Variants in FUCA1 observed in about 807,000 individuals in gnomAD.
FUCA1 encodes the protein alpha-L-fucosidase 1, also known as tissue alpha-L-fucosidase.
Under a neutral mutation model 56.8 loss-of-function variants are expected in FUCA1, and 52 were observed. The ratio of observed to expected loss-of-function variants is 0.92; its 90% CI spans 0.73 to 1.15. FUCA1 has a LOEUF of 1.15. Among genes scored for constraint, FUCA1 ranks in the 50% most tolerant of loss-of-function variants. The pLI, the probability that FUCA1 is intolerant of heterozygous loss-of-function variation, is 0.00. For missense variants in FUCA1, 568 were observed against 592.6 expected (o/e 0.96, Z 0.43); for synonymous variants, 230 against 226.6 (o/e 1.02, Z -0.14).
At chr1:23,854,840 C>T (rs1639358962) in intron 4 of FUCA1, among the ~76,000 whole-genome samples, 2 of 152,070 alleles carry the variant, frequency 1.3e-5, no homozygotes, top group Admixed American at 6.5e-5. Flanking sequence ...AATATTCAGC[C>T]CTAAATGTCA....
chr1:23,855,981 T>A (rs138765570), intron 4 of FUCA1, among the ~76,000 whole-genome samples: 2 of 152,144 alleles, frequency 1.3e-5, no homozygotes, highest in East Asian at 3.9e-4. Flanking sequence ...GAGACAGATA[T>A]GTGGACAATT....
In FUCA1 at chr1:23,865,542, A is replaced by C; in HGVS notation, c.473T>G (p.Val158Gly). The change falls in exon 2 of 8, where the codon GTG becomes GGG. Residue 158 changes from valine to glycine, a missense_variant. Coordinates refer to ENST00000374479, the MANE Select transcript of FUCA1 (RefSeq NM_000147.5). The part of the protein sequence containing the change: ...PVSWNWNSKD[V>G]GPHRDLVGEL... ...ACCAACCAAATCCCGATGAGGCCCCACGTCTTTGGAGTTCCAGTTCCAAGA... is the reference window on the plus strand; with the variant it reads ...ACCAACCAAATCCCGATGAGGCCCCCCGTCTTTGGAGTTCCAGTTCCAAGA... 1.9e-6 allele frequency: 3 copies of C among 1,614,124 alleles called. No individual in the cohort carries two copies. Among genetic ancestry groups the C allele is most frequent in the Non-Finnish European group, 2.5e-6 (3 of 1,180,034 alleles).
intron 1 of FUCA1, among the ~76,000 whole-genome samples, chr1:23,866,109 C>T (rs1639618886): frequency 3.3e-5 from 5 of 152,168 alleles, no homozygotes; most frequent in Admixed American, 3.3e-4. Context: ...GTCAGGGGTT[C>T]AAGACCAACC....
Position 23,846,050 on chromosome 1 carries a change from T to G in FUCA1, c.1260+24A>C, listed in dbSNP as rs1240785540. ...CAATTCCTTTACAGAAAGTTACATC[T>G]TAAGACTGACTAAGCCTCTTTACCT... is the stretch of plus-strand genomic sequence containing the variant. On this transcript the variant is annotated intron_variant, in intron 7 of 7. Coordinates refer to ENST00000374479, the MANE Select transcript of FUCA1 (RefSeq NM_000147.5). The G allele has an allele frequency of 1.9e-6, 3 of 1,583,352 alleles. No individual in the cohort carries two copies. The African/African-American group carries it at 4.0e-5, about 21-fold the overall frequency.
intron 5 of FUCA1, among the ~76,000 whole-genome samples, chr1:23,850,260 A>T (rs1001094466): frequency 6.7e-6 from 1 of 150,326 alleles, no homozygotes; most frequent in African/African-American, 2.4e-5. Flanking sequence ...AGGTTGCAGC[A>T]AGCTGAGATC....
intron 5 of FUCA1, among the ~76,000 whole-genome samples, chr1:23,850,700 A>T (rs1025163644): frequency 6.6e-6 from 1 of 152,070 alleles, no homozygotes; most frequent in Non-Finnish European, 1.5e-5. Context: ...ATTGGCCAGG[A>T]TGGTCTCGAA....
chr1:23,848,099 T>G (rs988086779), intron 6 of FUCA1, among the ~76,000 whole-genome samples: 2 of 152,122 alleles, frequency 1.3e-5, no homozygotes, highest in African/African-American at 4.8e-5. Flanking sequence ...AGACAACCAC[T>G]AAACAGAAAC....
intron 1 of FUCA1, among the ~76,000 whole-genome samples, chr1:23,866,385 C>T (rs1639624884): frequency 6.6e-6 from 1 of 152,192 alleles, no homozygotes; most frequent in Non-Finnish European, 1.5e-5. Context: ...ACATAAATTG[C>T]CTCTCATTTA....
At chr1:23,862,011 C>T (rs1018682470) in intron 3 of FUCA1, among the ~76,000 whole-genome samples, 3 of 152,214 alleles carry the variant, frequency 2.0e-5, no homozygotes, top group South Asian at 4.1e-4. Context: ...ACCAAGATCT[C>T]GAAAGATAAG....
rs1200156344 is a variant in FUCA1 at position 23,853,033 on chromosome 1, G to GCGCCTCTTCCCGGCGGC, written c.969+1326_969+1327insGCCGCCGGGAAGAGGCG. On this transcript the variant is annotated intron_variant, in intron 5 of 7. Coordinates refer to ENST00000374479, the MANE Select transcript of FUCA1 (RefSeq NM_000147.5). ...CGCCATCCCATCTAGGAAGTGAGGA[G>GCGCCTCTTCCCGGCGGC]CACCTCTTCCCGGCCGCCATCCCAT... Among the ~76,000 whole-genome samples the GCGCCTCTTCCCGGCGGC allele has an allele frequency of 6.8e-4, 100 of 147,668 alleles. 2 individuals carry two copies. Among genetic ancestry groups the GCGCCTCTTCCCGGCGGC allele is most frequent in the Middle Eastern group, 3.5e-3 (1 of 288 alleles).
At chr1:23,865,389 T>G in intron 2 of FUCA1, 102 bp downstream of exon 2, 1 of 1,489,940 alleles carries the variant, frequency 6.7e-7, no homozygotes, top group Non-Finnish European at 9.4e-7. Flanking sequence ...TCAGGCTACT[T>G]GCTATATGCA....
At chr1:23,857,186 G>T (rs1332926665) in intron 4 of FUCA1, among the ~76,000 whole-genome samples, 3 of 152,034 alleles carry the variant, frequency 2.0e-5, no homozygotes, top group Non-Finnish European at 2.9e-5. Flanking sequence ...GACCTAGCTC[G>T]AGGGGTATAC....
At chr1:23,846,909 T>TCTTGCTGTGTTGCCCAACACAA (rs1195112223) in intron 6 of FUCA1, among the ~76,000 whole-genome samples, 1 of 151,534 alleles carries the variant, frequency 6.6e-6, no homozygotes, top group Non-Finnish European at 1.5e-5. Flanking sequence ...AGTGATGGAG[T>TCTTGCTGTGTTGCCCAACACAA]CTTGCTGTGT....
chr1:23,850,675 A>C (rs1639237139), intron 5 of FUCA1, among the ~76,000 whole-genome samples: 1 of 152,010 alleles, frequency 6.6e-6, no homozygotes, highest in South Asian at 2.1e-4. Flanking sequence ...TTTAGTAGAG[A>C]CGGGGTTTCA....
rs1289447778 is a variant in FUCA1, at chr1:23,845,530, G to A, written c.*185C>T. The A allele has an allele frequency of 1.5e-6, 1 of 670,758 alleles. No individual in the cohort carries two copies. Among genetic ancestry groups the A allele is most frequent in the Non-Finnish European group, 2.6e-6 (1 of 382,598 alleles). The allele number at this position is 670,758 out of a possible 1,614,324, so 41.6% of individuals were successfully genotyped here. ...ACCTGATACAGATATAATCACAATG[G>A]ATCTCAGATCTTTGGTCCATTTAGA... On this transcript the variant is annotated 3_prime_UTR_variant, in exon 8 of 8. Coordinates refer to ENST00000374479, the MANE Select transcript of FUCA1 (RefSeq NM_000147.5).
At chr1:23,852,679 T>C (rs1416890496) in intron 5 of FUCA1, among the ~76,000 whole-genome samples, 2 of 152,136 alleles carry the variant, frequency 1.3e-5, no homozygotes, top group Non-Finnish European at 2.9e-5. Flanking sequence ...GGTTTCGCTG[T>C]GTTGGCCGGG....
rs943859269 is a variant in FUCA1, at chr1:23,857,938, G to T, written c.768+1860C>A. Among the ~76,000 whole-genome samples, 5 of 152,070 alleles carry T rather than the reference G, an allele frequency of 3.3e-5. No individual in the cohort carries two copies. In the East Asian group the frequency reaches 7.7e-4, roughly 23 times the overall value. On this transcript the variant is annotated intron_variant, in intron 4 of 7. Transcript: ENST00000374479. Reference sequence around the variant, plus strand: ...CAGCCTCGGCCTCCCAAAGTGCTGGGATTACAGGCGTGAGCCACCACGCCC... The same window carrying T: ...CAGCCTCGGCCTCCCAAAGTGCTGGTATTACAGGCGTGAGCCACCACGCCC...
chr1:23,854,316 T>TAAAA, intron 5 of FUCA1, 44 bp downstream of exon 5: 6 of 1,269,172 alleles, frequency 4.7e-6, no homozygotes, highest in Non-Finnish European at 6.6e-6. Flanking sequence ...TACTGCATGT[T>TAAAA]AAAAAAAAAA....
chr1:23,865,750 T>A (rs1363489654), intron 1 of FUCA1, 125 bp from the exon 2 acceptor site: 2 of 1,065,486 alleles, frequency 1.9e-6, no homozygotes, highest in Non-Finnish European at 2.9e-6. Context: ...CTTGTACCAG[T>A]GACTATATTA....
Sources: gnomAD v4.1 joint callset for allele counts (sites outside exome capture counted in the v4.1 genomes callset) on GRCh38, gnomAD v4.1.1 for gene constraint, MANE v1.5 for transcripts, NCBI Gene and HGNC (gene_info 2026-07-23, HGNC 2026-07-21) for gene names.